The following OTOA variants were observed in gnomAD, a reference collection of about 807,000 sequenced individuals.
OTOA encodes the protein otoancorin, also known as cancer/testis antigen 108.
OTOA carries 70 observed loss-of-function variants against 110.8 expected under a neutral mutation model. The observed-to-expected ratio is 0.63, with a 90% CI of 0.52 to 0.77. OTOA has a LOEUF of 0.77. Ranked by LOEUF, OTOA falls within the 30% of genes least tolerant of loss-of-function variation. OTOA has a pLI of 0.00. For synonymous variants in OTOA, 373 were observed against 431.5 expected (o/e 0.86, Z 1.68); for missense variants, 917 against 1,075.8 (o/e 0.85, Z 2.06).
At chr16:21,698,707 G>T (rs1897992361) in intron 10 of OTOA, among the ~76,000 whole-genome samples, 1 of 152,076 alleles carries the variant, frequency 6.6e-6, no homozygotes, top group Non-Finnish European at 1.5e-5. Flanking sequence ...CTAGGGGGCT[G>T]GGAGTATTTC....
intron 21 of OTOA, 33 bp downstream of exon 21, chr16:21,730,963 G>A (rs1246586496): frequency 1.5e-5 from 18 of 1,208,250 alleles, no homozygotes; most frequent in Non-Finnish European, 2.1e-5. Context: ...GAAGGCTGAA[G>A]GAGTTTGAAG....
At chr16:21,721,628 C>A in intron 17 of OTOA, 1 of 388,212 alleles carries the variant, frequency 2.6e-6, no homozygotes, top group Non-Finnish European at 5.3e-6. Context: ...ATGACTCATG[C>A]CTGTAATTCT....
chr16:21,750,374 C>T (rs1484134243), intron 24 of OTOA, among the ~76,000 whole-genome samples: 18 of 122,858 alleles, frequency 1.5e-4, no homozygotes, highest in African/African-American at 5.0e-4. Context: ...GATCATGCCG[C>T]TGCACTCCAG....
chr16:21,673,319 C>G (rs1293717432), intron 1 of OTOA, among the ~76,000 whole-genome samples: 1 of 152,106 alleles, frequency 6.6e-6, no homozygotes, highest in Non-Finnish European at 1.5e-5. Context: ...TCAGATTTCA[C>G]TAGTTTTACA....
intron 20 of OTOA, among the ~76,000 whole-genome samples, chr16:21,729,388 T>C (rs1597850585): frequency 1.3e-5 from 2 of 152,264 alleles, no homozygotes; most frequent in Admixed American, 1.3e-4. Context: ...ATGGAGAAGA[T>C]AGAGATTTCC....
At chr16:21,670,824 C>G (rs1200389354) in intron 1 of OTOA, among the ~76,000 whole-genome samples, 3 of 152,136 alleles carry the variant, frequency 2.0e-5, no homozygotes, top group Non-Finnish European at 4.4e-5. Flanking sequence ...GGGAAGGCTT[C>G]ATTGAAGACT....
At chr16:21,705,450 T>C in intron 12 of OTOA, 158 bp downstream of exon 12, 1 of 1,101,388 alleles carries the variant, frequency 9.1e-7, no homozygotes, top group Non-Finnish European at 1.3e-6. Flanking sequence ...CTGAGGTAAG[T>C]GTAACATCGA....
chr16:21,749,332 G>C (rs1343266010), intron 24 of OTOA, among the ~76,000 whole-genome samples: 1 of 137,832 alleles, frequency 7.3e-6, no homozygotes, highest in Non-Finnish European at 1.6e-5. Context: ...TTTGAGACCA[G>C]CCTGGCCAAA....
chr16:21,665,813 C>A (rs1311924997), intron 1 of OTOA, among the ~76,000 whole-genome samples: 1 of 151,946 alleles, frequency 6.6e-6, no homozygotes, highest in Non-Finnish European at 1.5e-5. Flanking sequence ...CACCAAGCTC[C>A]CATCCCCTTG....
intron 10 of OTOA, among the ~76,000 whole-genome samples, 155 bp from the exon 11 acceptor site, chr16:21,700,733 A>AAC (rs1368164456): frequency 6.6e-6 from 1 of 151,272 alleles, no homozygotes; most frequent in Non-Finnish European, 1.5e-5. Flanking sequence ...TCAAAAAAAA[A>AAC]AAAAAAGAAA....
At chr16:21,704,471 A>G (rs1898113973) in intron 11 of OTOA, among the ~76,000 whole-genome samples, 1 of 152,168 alleles carries the variant, frequency 6.6e-6, no homozygotes, top group African/African-American at 2.4e-5. Context: ...CAGTTTCCCC[A>G]TCTGTGAAAT....
intron 8 of OTOA, among the ~76,000 whole-genome samples, chr16:21,691,166 T>C (rs986997322): frequency 6.6e-6 from 1 of 152,164 alleles, no homozygotes; most frequent in Non-Finnish European, 1.5e-5. Flanking sequence ...TAGGGCTGCA[T>C]AGTATTCCAT....
At chr16:21,725,654 G>A (rs1414635862) in intron 18 of OTOA, among the ~76,000 whole-genome samples, 1 of 152,152 alleles carries the variant, frequency 6.6e-6, no homozygotes, top group African/African-American at 2.4e-5. Flanking sequence ...AAAAAAAGGA[G>A]TGTGGGATAG....
Position 21,731,262 on chromosome 16 carries a change from C to T in OTOA, c.2301+332C>T, listed in dbSNP as rs1899108092. On this transcript the variant is annotated intron_variant, in intron 21 of 28. Coordinates refer to ENST00000646100, the MANE Select transcript of OTOA (RefSeq NM_144672.4). ...CACTGGCTGGTGCCCTATGCACATG[C>T]ACATGTATGTCCAGTGTATGCAATC... 1.3e-5 allele frequency among the ~76,000 whole-genome samples: 2 copies of T among 152,236 alleles called. 1 individual carries two copies. Among genetic ancestry groups the T allele is most frequent in the African/African-American group, 4.8e-5 (2 of 41,454 alleles).
chr16:21,711,280 A>G (rs966509923), intron 13 of OTOA, among the ~76,000 whole-genome samples: 3 of 152,074 alleles, frequency 2.0e-5, no homozygotes, highest in African/African-American at 7.2e-5. Context: ...TTTTATTCCA[A>G]TCTTGGGCTG....
intron 14 of OTOA, among the ~76,000 whole-genome samples, chr16:21,715,826 G>GT (rs1253015841): frequency 2.0e-5 from 3 of 150,100 alleles, no homozygotes; most frequent in Non-Finnish European, 4.4e-5. Flanking sequence ...CCTAAAATTT[G>GT]TTTTTCAAAT....
chr16:21,721,179 T>G, intron 17 of OTOA: 1 of 404,892 alleles, frequency 2.5e-6, no homozygotes, highest in Non-Finnish European at 5.1e-6. Flanking sequence ...CCTCCTAAAG[T>G]GCTGGGATTA....
chr16:21,684,617 C>A, intron 6 of OTOA: 1 of 1,340,670 alleles, frequency 7.5e-7, no homozygotes, highest in South Asian at 1.3e-5. Flanking sequence ...AGCAGCTGTC[C>A]CTTGGCTTGC....
intron 7 of OTOA, 49 bp from the exon 8 acceptor site, chr16:21,687,364 A>G: frequency 6.6e-7 from 1 of 1,525,076 alleles, no homozygotes; most frequent in Non-Finnish European, 9.1e-7. Flanking sequence ...AGGGCTTCCA[A>G]ATTGAGAGGC....
Sources: allele counts gnomAD v4.1 joint callset (sites outside exome capture counted in the v4.1 genomes callset), GRCh38; gene constraint gnomAD v4.1.1; transcripts MANE v1.5; gene names NCBI Gene and HGNC (gene_info 2026-07-23, HGNC 2026-07-21).